The following PPP4R1 variants were observed in gnomAD, a reference collection of about 807,000 sequenced individuals.
The protein encoded by PPP4R1 is protein phosphatase 4 regulatory subunit 1.
Under a neutral mutation model 111.2 loss-of-function variants are expected in PPP4R1, and 42 were observed. The observed-to-expected ratio is 0.38, with a 90% CI of 0.29 to 0.49. The LOEUF is 0.49. Among genes scored for constraint, PPP4R1 ranks in the 20% least tolerant of loss-of-function variants. The pLI is 0.97. For synonymous variants in PPP4R1, 409 were observed against 405.5 expected, an observed-to-expected ratio of 1.01 and a Z score of -0.10; for missense variants, 1,012 against 1,161.6, an observed-to-expected ratio of 0.87 and a Z score of 1.87.
intron 15 of PPP4R1, among the ~76,000 whole-genome samples, chr18:9,556,825 G>A (rs1339681309): frequency 2.0e-5 from 3 of 152,154 alleles, no homozygotes; most frequent in African/African-American, 7.2e-5. Flanking sequence ...ATTCCCGGAT[G>A]TGAAACTGGA....
intron 9 of PPP4R1, among the ~76,000 whole-genome samples, chr18:9,581,546 AT>A (rs202073017): frequency 1.4e-3 from 205 of 151,348 alleles, no homozygotes; most frequent in African/African-American, 4.8e-3. Flanking sequence ...GGGGGAAAAA[AT>A]TGAGGAAAAA....
intron 15 of PPP4R1, among the ~76,000 whole-genome samples, chr18:9,555,906 G>T (rs1444692836): frequency 1.3e-5 from 2 of 152,036 alleles, no homozygotes; most frequent in Non-Finnish European, 2.9e-5. Context: ...GGAGGCCAAG[G>T]TGGGCGGATC....
chr18:9,614,314 GC>G lies in PPP4R1; in HGVS notation c.8-45del. 8.5e-7 allele frequency: 1 copy of G among 1,182,258 alleles called. No homozygotes were observed. The highest frequency in any genetic ancestry group is 3.0e-5 in the South Asian group (1 of 32,882). The allele number at this position is 1,182,258 out of a possible 1,614,324, so 73.2% of individuals were successfully genotyped here. ...AGAAAGGCCCGGTCAGCGCCCCGGG[GC>G]CCGGCGCGACGCCCCCCCCCCGCCC... On this transcript the variant is annotated intron_variant, in intron 1 of 19. Coordinates refer to ENST00000400556, the MANE Select transcript of PPP4R1 (RefSeq NM_001042388.3). This position sits in a 1 kb window ranked among gnomAD's most constrained non-coding sequence, Gnocchi z 4.1.
At chr18:9,550,459 T>C in intron 16 of PPP4R1, 61 bp from the exon 17 acceptor site, 2 of 1,505,926 alleles carry the variant, frequency 1.3e-6, no homozygotes, top group Admixed American at 1.9e-5. Flanking sequence ...TGAAAATAGG[T>C]TACCCATTTA....
At chr18:9,594,231 A>C (rs1472885881) in intron 3 of PPP4R1, 2 of 158,336 alleles carry the variant, frequency 1.3e-5, no homozygotes, top group South Asian at 3.9e-4. Context: ...CACCTGGCCG[A>C]TATCTAGAAT....
chr18:9,552,249 A>AC (rs1227220493), intron 16 of PPP4R1, among the ~76,000 whole-genome samples: 1 of 152,212 alleles, frequency 6.6e-6, no homozygotes. Context: ...TTGGATAGAC[A>AC]TTTCTCCACA....
intron 2 of PPP4R1, among the ~76,000 whole-genome samples, chr18:9,600,116 A>T (rs1246732116): frequency 1.3e-5 from 2 of 151,446 alleles, no homozygotes; most frequent in African/African-American, 4.9e-5. Context: ...TCACTCTATC[A>T]TGATTGATAA....
intron 13 of PPP4R1, among the ~76,000 whole-genome samples, chr18:9,560,110 T>C (rs138177225): frequency 0.01 from 1,578 of 151,968 alleles, 30 homozygotes; most frequent in African/African-American, 0.035. Flanking sequence ...TGAAACCCCG[T>C]CTCTACAAAA....
chr18:9,575,982 G>A (rs1455185193), intron 10 of PPP4R1, among the ~76,000 whole-genome samples: 1 of 152,102 alleles, frequency 6.6e-6, no homozygotes, highest in East Asian at 1.9e-4. Context: ...CATCACTTTT[G>A]TCAAAGTCCT....
At chr18:9,582,404 C>G in intron 9 of PPP4R1, among the ~76,000 whole-genome samples, 1 of 152,118 alleles carries the variant, frequency 6.6e-6, no homozygotes, top group Non-Finnish European at 1.5e-5. Flanking sequence ...TATGTATAAT[C>G]ATATACCAAC....
In PPP4R1 at chr18:9,609,885, G is replaced by A. The variant is rs563495984; in HGVS notation, c.52+4341C>T. On this transcript the variant is annotated intron_variant, in intron 2 of 19. Transcript: ENST00000400556. ...ATCAGAAGGCCTAGCTTAAAATTCC[G>A]TCTAAACTTAGGAGTTTTGTTTCTT... is the stretch of plus-strand genomic sequence containing the variant. Among the ~76,000 whole-genome samples, 9 of 152,274 alleles carry A rather than the reference G, an allele frequency of 5.9e-5. No individual in the cohort carries two copies. In the South Asian group the frequency reaches 1.5e-3, roughly 25 times the overall value.
intron 10 of PPP4R1, among the ~76,000 whole-genome samples, chr18:9,571,979 G>GT (rs1568101440): frequency 6.6e-6 from 1 of 152,188 alleles, no homozygotes; most frequent in East Asian, 1.9e-4. Flanking sequence ...AGACATGCAG[G>GT]TAAGAAGTGA....
chr18:9,555,937 C>A (rs186014852), intron 15 of PPP4R1, among the ~76,000 whole-genome samples: 1 of 151,836 alleles, frequency 6.6e-6, no homozygotes, highest in Non-Finnish European at 1.5e-5. Flanking sequence ...GAGATCAAGA[C>A]CATCCTGGCC....
At chr18:9,562,948 T>C in intron 12 of PPP4R1, 1 of 996,442 alleles carries the variant, frequency 1.0e-6, no homozygotes, top group Non-Finnish European at 1.2e-6. Context: ...CCAGATAATG[T>C]CACTGGCCCT....
intron 2 of PPP4R1, among the ~76,000 whole-genome samples, chr18:9,612,256 C>T (rs1457497794): frequency 6.6e-6 from 1 of 152,194 alleles, no homozygotes; most frequent in African/African-American, 2.4e-5. Flanking sequence ...CTTATGCCTA[C>T]TTACAAATGA....
At chr18:9,563,211 G>A (rs182093545) in intron 12 of PPP4R1, 167 bp downstream of exon 12, 16 of 1,185,230 alleles carry the variant, frequency 1.3e-5, no homozygotes, top group African/African-American at 6.3e-5. Context: ...CTAATGTCAC[G>A]AGGACAGGAT....
chr18:9,551,092 T>C (rs1281275447), intron 16 of PPP4R1: 1 of 152,228 alleles, frequency 6.6e-6, no homozygotes, highest in African/African-American at 2.4e-5. Context: ...TGTATACAAA[T>C]ATGCATCCTC....
chr18:9,555,929 G>A (rs560327653), intron 15 of PPP4R1, among the ~76,000 whole-genome samples: 11 of 151,406 alleles, frequency 7.3e-5, no homozygotes, highest in East Asian at 2.0e-4. Flanking sequence ...AAGATCAGGA[G>A]ATCAAGACCA....
chr18:9,593,587 A>G (rs768965703), intron 4 of PPP4R1, among the ~76,000 whole-genome samples, 181 bp downstream of exon 4: 2 of 152,212 alleles, frequency 1.3e-5, no homozygotes, highest in Non-Finnish European at 2.9e-5. Context: ...AGCCCACTGT[A>G]AAATGTCCAG....
Sources: allele counts gnomAD v4.1 joint callset (sites outside exome capture counted in the v4.1 genomes callset), GRCh38; gene constraint gnomAD v4.1.1; non-coding constraint Gnocchi (gnomAD v3.1); transcripts MANE v1.5; gene names NCBI Gene and HGNC (gene_info 2026-07-23, HGNC 2026-07-21).